The following NCKAP5 variants were observed in gnomAD, a reference collection of about 807,000 sequenced individuals.
NCKAP5 encodes NCK associated protein 5.
A neutral mutation model predicts 167.0 loss-of-function variants in NCKAP5; 92 were observed. The observed-to-expected ratio is 0.55, with a 90% CI of 0.47 to 0.66. The LOEUF (loss-of-function observed/expected upper bound fraction) is 0.66, where lower values mean the gene tolerates loss of function less well. NCKAP5 is among the 30% of genes least tolerant of loss of function. The probability of loss-of-function intolerance (pLI) is 0.00; values close to 1 mark genes in which losing one functional copy is unlikely to be tolerated. For synonymous variants in NCKAP5, 891 were observed against 877.4 expected, an observed-to-expected ratio of 1.02 and a Z score of -0.27; for missense variants, 2,378 against 2,315.0, an observed-to-expected ratio of 1.03 and a Z score of -0.56.
rs941917534 is a variant in NCKAP5 at position 132,881,336 on chromosome 2, G to A, written c.580-2420C>T. 5.9e-5 allele frequency among the ~76,000 whole-genome samples: 9 copies of A among 151,876 alleles called. No individual in the cohort carries two copies. The East Asian group carries it at 1.8e-3, about 30-fold the overall frequency. On this transcript the variant is annotated intron_variant, in intron 8 of 19. Transcript: ENST00000409261. ...ATTACAGGTGACCACCACCACACCT[G>A]GCTAATTTTTGTATTTTTAGTAGAG...
intron 7 of NCKAP5, among the ~76,000 whole-genome samples, chr2:132,982,197 A>T (rs1328761898): frequency 1.3e-5 from 2 of 152,236 alleles, no homozygotes; most frequent in Non-Finnish European, 2.9e-5. Flanking sequence ...TGTGCTATGC[A>T]CGCTATCATA....
chr2:133,237,898 T>C (rs1021735044), intron 4 of NCKAP5, among the ~76,000 whole-genome samples: 2 of 152,134 alleles, frequency 1.3e-5, no homozygotes, highest in Non-Finnish European at 2.9e-5. Context: ...CATTCTCAAG[T>C]CACTTTTGCC....
rs1836220 is a variant in NCKAP5 at position 133,186,220 on chromosome 2, T to A, written c.207+27496A>T. On this transcript the variant is annotated intron_variant, in intron 5 of 19. Transcript: ENST00000409261. ...TTTTTAGGTGATTAAGATAATCATA[T>A]AGTTTTTGCTTTTTGTTTTTATGTG... is the stretch of plus-strand genomic sequence containing the variant. 5.1e-3 allele frequency among the ~76,000 whole-genome samples: 769 copies of A among 152,208 alleles called. 15 individuals are homozygous for A. Among genetic ancestry groups the A allele is most frequent in the African/African-American group, 0.018 (729 of 41,550 alleles).
At chr2:133,605,930 A>G in the NCKAP5 span, among the ~76,000 whole-genome samples, 1 of 152,214 alleles carries the variant, frequency 6.6e-6, no homozygotes, top group Non-Finnish European at 1.5e-5. Context: ...AACCATAATA[A>G]CATGTTAAAA....
chr2:133,385,270 T>C (rs969445820), intron 3 of NCKAP5, among the ~76,000 whole-genome samples: 1 of 152,240 alleles, frequency 6.6e-6, no homozygotes. Context: ...TTGTTGAATT[T>C]TGTCAAAGGC....
At chr2:132,850,855 T>C (rs1281538873) in intron 11 of NCKAP5, among the ~76,000 whole-genome samples, 1 of 152,122 alleles carries the variant, frequency 6.6e-6, no homozygotes, top group African/African-American at 2.4e-5. Context: ...CCACAGAGTA[T>C]GGCTGGAGGC....
At chr2:132,892,999 A>G (rs1197001752) in intron 8 of NCKAP5, among the ~76,000 whole-genome samples, 7 of 44,994 alleles carry the variant, frequency 1.6e-4, no homozygotes, top group Non-Finnish European at 2.6e-4. Context: ...AAAAAGCTGA[A>G]AAAAAAAAAA....
chr2:132,762,758 T>C lies in NCKAP5; in HGVS notation c.5128+11058A>G, dbSNP rs377442438. On this transcript the variant is annotated intron_variant, in intron 16 of 19. Transcript: ENST00000409261. ...ATGGCAAGAAAAGATACCAGCCCCA[T>C]GGCTCATTCTTTTAGGGTCTGGGGG... Among the ~76,000 whole-genome samples, 7 of 152,356 alleles carry C rather than the reference T, an allele frequency of 4.6e-5. No individual in the cohort carries two copies. In the East Asian group the frequency reaches 7.7e-4, roughly 17 times the overall value.
At chr2:133,036,044 C>A (rs2079030260) in intron 6 of NCKAP5, among the ~76,000 whole-genome samples, 1 of 151,690 alleles carries the variant, frequency 6.6e-6, no homozygotes, top group Non-Finnish European at 1.5e-5. Flanking sequence ...CTACTATGAG[C>A]AACTATATGT....
intron 1 of NCKAP5, among the ~76,000 whole-genome samples, chr2:133,566,322 A>G (rs1688554210): frequency 6.6e-6 from 1 of 152,264 alleles, no homozygotes; most frequent in Admixed American, 6.5e-5. Context: ...AACACTGAGT[A>G]TCAGAGTTGG....
At chr2:132,902,280 T>C (rs1274592346) in intron 8 of NCKAP5, among the ~76,000 whole-genome samples, 3 of 152,204 alleles carry the variant, frequency 2.0e-5, no homozygotes, top group Admixed American at 6.5e-5. Flanking sequence ...AAGGCATTTA[T>C]CAGACACCAA....
At chr2:133,017,813 G>T (rs1167816492) in intron 6 of NCKAP5, among the ~76,000 whole-genome samples, 1 of 151,776 alleles carries the variant, frequency 6.6e-6, no homozygotes, top group African/African-American at 2.4e-5. Context: ...TGAAATGGAG[G>T]CCCCAGAACA....
chr2:133,606,131 T>C, the NCKAP5 span, among the ~76,000 whole-genome samples: 2 of 108,556 alleles, frequency 1.8e-5, no homozygotes, highest in African/African-American at 6.4e-5. Context: ...CAGATTCTAA[T>C]AGAACTTCAA....
At chr2:133,456,826 T>C (rs10182125) in intron 3 of NCKAP5, among the ~76,000 whole-genome samples, 10,521 of 152,184 alleles carry the variant, frequency 0.069, 431 homozygotes, top group African/African-American at 0.1. Context: ...GAAAGTAAAC[T>C]TTACCAGTCT....
chr2:133,104,732 C>A (rs1260096864), intron 6 of NCKAP5, among the ~76,000 whole-genome samples: 1 of 152,196 alleles, frequency 6.6e-6, no homozygotes, highest in African/African-American at 2.4e-5. Flanking sequence ...TTCCTAAACA[C>A]TCAAAGATCA....
chr2:132,959,404 T>C (rs1379924988), intron 8 of NCKAP5, among the ~76,000 whole-genome samples: 1 of 152,146 alleles, frequency 6.6e-6, no homozygotes, highest in Non-Finnish European at 1.5e-5. Context: ...CTTTTAGGCT[T>C]AGGACTCTCA....
At chr2:133,424,697 A>G (rs1029190400) in intron 3 of NCKAP5, among the ~76,000 whole-genome samples, 8 of 152,160 alleles carry the variant, frequency 5.3e-5, no homozygotes, top group African/African-American at 1.7e-4. Flanking sequence ...AGGGCTAGCA[A>G]TGTAGCCTCA....
chr2:133,658,990 A>T, the NCKAP5 span, among the ~76,000 whole-genome samples: 1 of 152,100 alleles, frequency 6.6e-6, no homozygotes, highest in Non-Finnish European at 1.5e-5. Context: ...CAGGAAGGGC[A>T]TATTTAATTT....
intron 8 of NCKAP5, among the ~76,000 whole-genome samples, chr2:132,921,648 G>A (rs1384266894): frequency 6.6e-6 from 1 of 152,208 alleles, no homozygotes; most frequent in Non-Finnish European, 1.5e-5. Context: ...TGAAGGCTGA[G>A]TGCAGGTGTG....
Sources: gnomAD v4.1 joint callset for allele counts (sites outside exome capture counted in the v4.1 genomes callset) on GRCh38, gnomAD v4.1.1 for gene constraint, MANE v1.5 for transcripts, NCBI Gene and HGNC (gene_info 2026-07-23, HGNC 2026-07-21) for gene names.